ATOSB: variants seen among roughly 807,000 people sequenced by gnomAD.
ATOSB encodes atos homolog protein B.
the ATOSB span, chr9:35,108,016 C>T: frequency 6.4e-7 from 1 of 1,555,892 alleles, no homozygotes; most frequent in South Asian, 1.2e-5. Context: ...CCCTCTCTGG[C>T]CCCCAGCCCA....
chr9:35,108,195 G>A, the ATOSB span: 1 of 1,596,624 alleles, frequency 6.3e-7, no homozygotes, highest in Non-Finnish European at 8.5e-7. Context: ...ACCCTGGAGG[G>A]CCCCCTGCCT....
the ATOSB span, chr9:35,108,278 G>C: frequency 6.5e-7 from 1 of 1,539,458 alleles, no homozygotes; most frequent in South Asian, 1.2e-5. Flanking sequence ...GGCGCATGAA[G>C]CCCCCCTTGG....
At chr9:35,107,496 G>T in the ATOSB span, 1 of 1,607,096 alleles carries the variant, frequency 6.2e-7, no homozygotes, top group Non-Finnish European at 8.5e-7. Context: ...CCGAGGGGCT[G>T]GCCCCTCTTC....
chr9:35,105,286 G>A, the ATOSB span: 1 of 1,614,144 alleles, frequency 6.2e-7, no homozygotes, highest in South Asian at 1.1e-5. The surrounding 1 kb of genome is among the most constrained non-coding windows in gnomAD (Gnocchi z 5.5). Flanking sequence ...TCGTAGGGGA[G>A]CCCTGTGTCC....
At chr9:35,108,523 C>T in the ATOSB span, 1 of 1,208,506 alleles carries the variant, frequency 8.3e-7, no homozygotes, top group Non-Finnish European at 1.1e-6. Flanking sequence ...TCTCAGAACT[C>T]CTGAGAGGGT....
the ATOSB span, chr9:35,106,949 C>G: frequency 6.8e-7 from 1 of 1,466,006 alleles, no homozygotes; most frequent in Non-Finnish European, 9.3e-7. The surrounding 1 kb of genome is among the most constrained non-coding windows in gnomAD (Gnocchi z 4.6). Context: ...TGTTTTGGGG[C>G]AGAAGCTCAT....
the ATOSB span, chr9:35,109,117 T>C: frequency 6.6e-6 from 1 of 152,164 alleles, no homozygotes; most frequent in East Asian, 1.9e-4. Context: ...AGCCACCAAA[T>C]TGCACAACTC....
the ATOSB span, chr9:35,111,263 A>G: frequency 6.6e-6 from 1 of 152,364 alleles, no homozygotes; most frequent in South Asian, 2.1e-4. Context: ...CCTCTAGCAC[A>G]CTCACCCCGC....
the ATOSB span, among the ~76,000 whole-genome samples, chr9:35,115,496 CCTT>C: frequency 2.0e-5 from 3 of 151,870 alleles, no homozygotes; most frequent in Non-Finnish European, 2.9e-5. Flanking sequence ...CCGCTACACT[CCTT>C]CTCCATTAAA....
At chr9:35,107,292 C>T in the ATOSB span, 30 of 1,423,538 alleles carry the variant, frequency 2.1e-5, no homozygotes, top group African/African-American at 4.5e-4. Flanking sequence ...CACTGCACTC[C>T]AGCAGTGATG....
At chr9:35,105,011 G>C in the ATOSB span, 14 of 457,682 alleles carry the variant, frequency 3.1e-5, no homozygotes, top group Non-Finnish European at 4.9e-5. The surrounding 1 kb of genome is among the most constrained non-coding windows in gnomAD (Gnocchi z 5.5). Context: ...GGAAACCCAA[G>C]GGAGGGGACA....
chr9:35,104,158 A>C, the ATOSB span: 4 of 152,686 alleles, frequency 2.6e-5, no homozygotes, highest in Admixed American at 2.0e-4. Context: ...TTTCTTTTTT[A>C]ATCTTTTTTT....
chr9:35,106,980 C>T, the ATOSB span: 3 of 1,193,212 alleles, frequency 2.5e-6, no homozygotes, highest in Non-Finnish European at 3.6e-6. The surrounding 1 kb of genome is among the most constrained non-coding windows in gnomAD (Gnocchi z 4.6). Context: ...CAAAGGAACA[C>T]CCTGCCCCCC....
chr9:35,105,872 G>A, the ATOSB span: 2 of 1,614,076 alleles, frequency 1.2e-6, no homozygotes, highest in Non-Finnish European at 8.5e-7. This position sits in a 1 kb window ranked among gnomAD's most constrained non-coding sequence, Gnocchi z 5.5. Context: ...GGACAGGACA[G>A]TCAAGGTTGG....
chr9:35,108,298 G>GC, the ATOSB span: 2 of 1,521,176 alleles, frequency 1.3e-6, no homozygotes, highest in Non-Finnish European at 8.8e-7. Flanking sequence ...GGTCAGGGGG[G>GC]CCCCCCAACA....
At chr9:35,113,717 T>C in the ATOSB span, among the ~76,000 whole-genome samples, 3 of 152,188 alleles carry the variant, frequency 2.0e-5, no homozygotes, top group African/African-American at 7.2e-5. Context: ...CTGCTTTATT[T>C]TTTTTTATAT....
the ATOSB span, chr9:35,109,262 C>G: frequency 1.3e-5 from 2 of 152,358 alleles, no homozygotes; most frequent in Admixed American, 6.5e-5. Flanking sequence ...GGCCTTTCAG[C>G]CCTGAACTCC....
the ATOSB span, chr9:35,108,740 G>T: frequency 1.0e-6 from 1 of 972,764 alleles, no homozygotes; most frequent in Non-Finnish European, 1.2e-6. Flanking sequence ...GCAGGACCCT[G>T]AGGAGAGAAG....
At chr9:35,107,487 C>T in the ATOSB span, 38 of 1,608,664 alleles carry the variant, frequency 2.4e-5, no homozygotes, top group Middle Eastern at 1.7e-4. Context: ...CCGGCGCCTC[C>T]GAGGGGCTGG....
Sources: allele counts gnomAD v4.1 joint callset (sites outside exome capture counted in the v4.1 genomes callset), GRCh38; gene constraint gnomAD v4.1.1; non-coding constraint Gnocchi (gnomAD v3.1); transcripts MANE v1.5; gene names NCBI Gene and HGNC (gene_info 2026-07-23, HGNC 2026-07-21).